GCGR: variants seen among roughly 807,000 people sequenced by gnomAD.
GCGR encodes the protein glucagon receptor.
Under a neutral mutation model 56.1 loss-of-function variants are expected in GCGR, and 41 were observed. That is an observed-to-expected ratio of 0.73 (90% confidence interval 0.57 to 0.95). The LOEUF (loss-of-function observed/expected upper bound fraction) is 0.95, where lower values mean the gene tolerates loss of function less well. Among genes scored for constraint, GCGR ranks in the 40% least tolerant of loss-of-function variants. The probability of loss-of-function intolerance (pLI) is 0.00; values close to 1 mark genes in which losing one functional copy is unlikely to be tolerated. For missense variants in GCGR, 595 were observed against 638.2 expected (o/e 0.93, Z 0.73); for synonymous variants, 278 against 271.1 (o/e 1.03, Z -0.25).
In GCGR at chr17:81,804,567, C is replaced by T. The variant is rs958386997; in HGVS notation, c.-178+318C>T. On this transcript the variant is annotated intron_variant, in intron 1 of 13. Coordinates refer to ENST00000400723, the MANE Select transcript of GCGR (RefSeq NM_000160.5). This position sits in a 1 kb window ranked among gnomAD's most constrained non-coding sequence, Gnocchi z 8.2. ...GCGCCCTGCGGCGGCCACACTGCAG[C>T]GGCCACACTCCCCACTCAGGGCCCC... is the stretch of plus-strand genomic sequence containing the variant. Among the ~76,000 whole-genome samples the T allele has an allele frequency of 1.3e-5, 2 of 151,762 alleles. No homozygotes were observed. Among genetic ancestry groups the T allele is most frequent in the African/African-American group, 2.4e-5 (1 of 41,352 alleles).
chr17:81,809,289 C>CGTCTGCCTGCCTGCCT (rs1555709299), intron 2 of GCGR, among the ~76,000 whole-genome samples: 4 of 123,720 alleles, frequency 3.2e-5, no homozygotes, highest in African/African-American at 1.2e-4. Context: ...TCTGCCTGTC[C>CGTCTGCCTGCCTGCCT]GTCTGCCTGT....
At position 81,806,739 on chromosome 17, in the gene GCGR, C is replaced by T. The variant is rs1409454860; in HGVS notation, c.-177-2103C>T. Among the ~76,000 whole-genome samples, 1 of 152,100 alleles carries T rather than the reference C, an allele frequency of 6.6e-6. No individual in the cohort carries two copies. The highest frequency in any genetic ancestry group is 2.4e-5 in the African/African-American group (1 of 41,408). ...GGCTCTAAGGGGCTGTCATTTTGCC[C>T]AGGGAGCTCCTGGCTGGGTGGTCCT... On this transcript the variant is annotated intron_variant, in intron 1 of 13. Coordinates refer to ENST00000400723, the MANE Select transcript of GCGR (RefSeq NM_000160.5). This position sits in a 1 kb window ranked among gnomAD's most constrained non-coding sequence, Gnocchi z 6.5.
At position 81,812,964 on chromosome 17, in the gene GCGR, G is replaced by A. The variant is rs2038134660; in HGVS notation, c.1176+19G>A. 6.5e-7 allele frequency: 1 copy of A among 1,535,806 alleles called. No individual in the cohort carries two copies. Among genetic ancestry groups the A allele is most frequent in the Non-Finnish European group, 8.7e-7 (1 of 1,146,544 alleles). Reference sequence around the variant, plus strand: ...CTTCCAGGTGCCCGCCCGCCCGCCGGCTCCCCCGCCCGGGGCGCAGTGTGC... The same window carrying A: ...CTTCCAGGTGCCCGCCCGCCCGCCGACTCCCCCGCCCGGGGCGCAGTGTGC... On this transcript the variant is annotated intron_variant, in intron 12 of 13. Transcript: ENST00000400723. The surrounding 1 kb of genome is among the most constrained non-coding windows in gnomAD (Gnocchi z 8.5).
chr17:81,810,754 AG>A lies in GCGR; in HGVS notation c.164-69del, dbSNP rs1406948522. The stretch of plus-strand genomic sequence containing the variant: ...GCTCAGGCTTCCAGAGAGAGGAGAG[AG>A]GCCTGCTGAGGGAGCCCCTTCTCCC... On this transcript the variant is annotated intron_variant, in intron 3 of 13. Coordinates refer to ENST00000400723, the MANE Select transcript of GCGR (RefSeq NM_000160.5). This position sits in a 1 kb window ranked among gnomAD's most constrained non-coding sequence, Gnocchi z 4.6. The A allele has an allele frequency of 7.3e-7, 1 of 1,367,082 alleles. No individual in the cohort carries two copies. The highest frequency in any genetic ancestry group is 2.5e-5 in the East Asian group (1 of 40,048). The allele number at this position is 1,367,082 out of a possible 1,614,324, so 84.7% of individuals were successfully genotyped here.
rs1048592047 is a variant in GCGR at position 81,812,067 on chromosome 17, C to G, written c.879-116C>G. On this transcript the variant is annotated intron_variant, in intron 9 of 13. Transcript: ENST00000400723. This position sits in a 1 kb window ranked among gnomAD's most constrained non-coding sequence, Gnocchi z 8.5. Reference sequence around the variant, plus strand: ...GCCTGGGGAGGGGGTCATTTGTGACCTTCTCCCTTCCTTTTCTGAGACCCG... The same window carrying G: ...GCCTGGGGAGGGGGTCATTTGTGACGTTCTCCCTTCCTTTTCTGAGACCCG... 1 of 1,507,868 alleles carries G rather than the reference C, an allele frequency of 6.6e-7. No homozygotes were observed. The highest frequency in any genetic ancestry group is 2.0e-5 in the Admixed American group (1 of 50,796). The allele number at this position is 1,507,868 out of a possible 1,614,324, so 93.4% of individuals were successfully genotyped here. A position where few individuals can be genotyped will look rare whatever the true frequency, so the allele number is the denominator to read the frequency against.
Position 81,812,346 on chromosome 17 carries a change from C to G in GCGR, c.948+94C>G. On this transcript the variant is annotated intron_variant, in intron 10 of 13. Transcript: ENST00000400723. This position sits in a 1 kb window ranked among gnomAD's most constrained non-coding sequence, Gnocchi z 8.5. ...GAGACAGCAGCATCCTGTCTGAGAG[C>G]GCTGGGAGGGAGCCGGCACCCAGAC... 1 of 1,403,888 alleles carries G rather than the reference C, an allele frequency of 7.1e-7. No homozygotes were observed. The highest frequency in any genetic ancestry group is 2.5e-5 in the East Asian group (1 of 40,154). 87.0% of individuals were successfully genotyped at this position (1,403,888 alleles called of 1,614,324 possible). A position where few individuals can be genotyped will look rare whatever the true frequency, so the allele number is the denominator to read the frequency against.
Position 81,813,792 on chromosome 17 carries a change from A to G in GCGR, c.*103A>G, listed in dbSNP as rs1446468004. 8 of 1,134,586 alleles carry G rather than the reference A, an allele frequency of 7.1e-6. No homozygotes were observed. The East Asian group carries it at 1.0e-4, about 15-fold the overall frequency. 70.3% of individuals were successfully genotyped at this position (1,134,586 alleles called of 1,614,324 possible). Reference sequence around the variant, plus strand: ...GCTGAGGCTGGGGGCGGGGGAGCCAACAGCAGCCCCCACCTACCCCCCACC... The same window carrying G: ...GCTGAGGCTGGGGGCGGGGGAGCCAGCAGCAGCCCCCACCTACCCCCCACC... On this transcript the variant is annotated 3_prime_UTR_variant, in exon 14 of 14. Transcript: ENST00000400723. This position sits in a 1 kb window ranked among gnomAD's most constrained non-coding sequence, Gnocchi z 5.3.
At chr17:81,809,307 C>CCTGTCTGTCTGCCTGTCCAT (rs2038030812) in intron 2 of GCGR, among the ~76,000 whole-genome samples, 2 of 129,018 alleles carry the variant, frequency 1.6e-5, no homozygotes, top group Non-Finnish European at 3.3e-5. Flanking sequence ...TGTCTGTCTG[C>CCTGTCTGTCTGCCTGTCCAT]CTGTCCATCT....
In GCGR at chr17:81,811,821, T is replaced by TG. The variant is rs773836077; in HGVS notation, c.817+13dup. 2.6e-6 allele frequency: 4 copies of TG among 1,536,768 alleles called. No homozygotes were observed. Among genetic ancestry groups the TG allele is most frequent in the Non-Finnish European group, 3.5e-6 (4 of 1,146,846 alleles). On this transcript the variant is annotated intron_variant, in intron 8 of 13. Transcript: ENST00000400723. The surrounding 1 kb of genome is among the most constrained non-coding windows in gnomAD (Gnocchi z 5.8). ...TGGGCATCGGCTGGGGTGAGTGGGC[T>TG]GGCATGAGAGGGGGTTAAGGCAGGC...
In GCGR at chr17:81,813,348, A is replaced by G; in HGVS notation, c.1219-126A>G. 1 of 967,386 alleles carries G rather than the reference A, an allele frequency of 1.0e-6. No individual in the cohort carries two copies. The highest frequency in any genetic ancestry group is 1.5e-6 in the Non-Finnish European group (1 of 656,614). The allele number at this position is 967,386 out of a possible 1,614,324, so 59.9% of individuals were successfully genotyped here. Reference sequence around the variant, plus strand: ...GGTGGCATAGCTGTGCCCAGCAGGGAGCTTGTGTCGCTCTGCACCCCTCAG... The same window carrying G: ...GGTGGCATAGCTGTGCCCAGCAGGGGGCTTGTGTCGCTCTGCACCCCTCAG... On this transcript the variant is annotated intron_variant, in intron 13 of 13. Transcript: ENST00000400723. The surrounding 1 kb of genome is among the most constrained non-coding windows in gnomAD (Gnocchi z 5.3).
In GCGR at chr17:81,811,325, T is replaced by G. The variant is rs1241628118; in HGVS notation, c.497T>G (p.Leu166Arg). ...CTCGCCTTGGCCATCCTGGGGGGCCTCAGGTAGGATTCCGCCAGCGCCCGG... is the reference window on the plus strand; with the variant it reads ...CTCGCCTTGGCCATCCTGGGGGGCCGCAGGTAGGATTCCGCCAGCGCCCGG... ...LLLALAILGG[L>R]SKLHCTRNAI... Residue 166 changes from leucine (L) to arginine (R), a missense_variant, in exon 6 of 14, where the codon CTC becomes CGC. Transcript: ENST00000400723. The surrounding 1 kb of genome is among the most constrained non-coding windows in gnomAD (Gnocchi z 5.8). 2.0e-6 allele frequency: 3 copies of G among 1,534,764 alleles called. No homozygotes were observed. The highest frequency in any genetic ancestry group is 1.4e-5 in the African/African-American group (1 of 73,022).
rs1261979810 is a variant in GCGR at position 81,813,453 on chromosome 17, C to T, written c.1219-21C>T. 1 of 1,533,118 alleles carries T rather than the reference C, an allele frequency of 6.5e-7. No homozygotes were observed. The highest frequency in any genetic ancestry group is 2.4e-5 in the East Asian group (1 of 40,902). The allele number at this position is 1,533,118 out of a possible 1,614,324, so 95.0% of individuals were successfully genotyped here. A position where few individuals can be genotyped will look rare whatever the true frequency, so the allele number is the denominator to read the frequency against. On this transcript the variant is annotated intron_variant, in intron 13 of 13. Coordinates refer to ENST00000400723, the MANE Select transcript of GCGR (RefSeq NM_000160.5). The surrounding 1 kb of genome is among the most constrained non-coding windows in gnomAD (Gnocchi z 5.3). ...AGGACAGGCAGGCCCTAGGACTGGC[C>T]TGCCCCGTCCCCCTCCCCAGGTGCA...
At position 81,811,649 on chromosome 17, in the gene GCGR, AGGCGGTGGCTGGCTGCCGTGT is replaced by A. The variant is rs1388926574; in HGVS notation, c.660_680del (p.Val221_Ala227del). On this transcript the variant is annotated splice_acceptor_variant and coding_sequence_variant, in exon 8 of 14. Transcript: ENST00000400723. LOFTEE classifies it high-confidence loss of function. The surrounding 1 kb of genome is among the most constrained non-coding windows in gnomAD (Gnocchi z 5.8). ...GCCGCGCTCACACTGCACCTGTACC[AGGCGGTGGCTGGCTGCCGTGT>A]GGCCGCGGTGTTCATGCAATATGGC... The A allele has an allele frequency of 2.0e-6, 3 of 1,536,288 alleles. No individual in the cohort carries two copies. The highest frequency in any genetic ancestry group is 2.6e-6 in the Non-Finnish European group (3 of 1,146,890).
At position 81,810,816 on chromosome 17, in the gene GCGR, A is replaced by C. The variant is rs751714002; in HGVS notation, c.164-9A>C. On this transcript the variant is annotated splice_polypyrimidine_tract_variant and intron_variant, in intron 3 of 13. Transcript: ENST00000400723. The surrounding 1 kb of genome is among the most constrained non-coding windows in gnomAD (Gnocchi z 4.6). ...GCCCTGCTCTGCCCTGCCCTACCCTACCCTGCAGAGCTGGTGTGCAACAGA... is the reference window on the plus strand; with the variant it reads ...GCCCTGCTCTGCCCTGCCCTACCCTCCCCTGCAGAGCTGGTGTGCAACAGA... 3 of 1,536,400 alleles carry C rather than the reference A, an allele frequency of 2.0e-6. No individual in the cohort carries two copies. Among genetic ancestry groups the C allele is most frequent in the South Asian group, 2.4e-5 (2 of 84,042 alleles).
Position 81,810,059 on chromosome 17 carries a change from A to G in GCGR, c.163+175A>G. 1 of 680,986 alleles carries G rather than the reference A, an allele frequency of 1.5e-6. No homozygotes were observed. The highest frequency in any genetic ancestry group is 2.7e-6 in the Non-Finnish European group (1 of 372,350). The allele number at this position is 680,986 out of a possible 1,614,324, so 42.2% of individuals were successfully genotyped here. On this transcript the variant is annotated intron_variant, in intron 3 of 13. Coordinates refer to ENST00000400723, the MANE Select transcript of GCGR (RefSeq NM_000160.5). This position sits in a 1 kb window ranked among gnomAD's most constrained non-coding sequence, Gnocchi z 4.6. ...GGTGAGGTAACGAGGTAACTGAGCC[A>G]CAGAGCTGGGGACTTGCCTCAGGCC...
In GCGR at chr17:81,808,919, A is replaced by C; in HGVS notation, c.-100A>C. Reference sequence around the variant, plus strand: ...ACGCCCCAGGCTCTGCTGCTCTGCCACTCAGCTGCCCTCGGAGGAGCGTAC... The same window carrying C: ...ACGCCCCAGGCTCTGCTGCTCTGCCCCTCAGCTGCCCTCGGAGGAGCGTAC... On this transcript the variant is annotated 5_prime_UTR_variant, in exon 2 of 14. Transcript: ENST00000400723. 2 of 1,428,134 alleles carry C rather than the reference A, an allele frequency of 1.4e-6. No homozygotes were observed. Among genetic ancestry groups the C allele is most frequent in the Admixed American group, 3.9e-5 (2 of 50,748 alleles). The allele number at this position is 1,428,134 out of a possible 1,614,324, so 88.5% of individuals were successfully genotyped here. A position where few individuals can be genotyped will look rare whatever the true frequency, so the allele number is the denominator to read the frequency against.
At chr17:81,807,279 C>T (rs897220177) in intron 1 of GCGR, among the ~76,000 whole-genome samples, 3 of 152,234 alleles carry the variant, frequency 2.0e-5, no homozygotes, top group African/African-American at 7.2e-5. Flanking sequence ...TGGGGATCAG[C>T]GACACACGGG....
chr17:81,812,652 GACT>G lies in GCGR; in HGVS notation c.1027_1029del (p.Tyr343del). ...GCGGGCACGGCAGATGCACCACACA[GACT>G]ACAAGTTCCGGTGGGTGCCGCGGCA... On this transcript the variant is annotated inframe_deletion, in exon 11 of 14. Transcript: ENST00000400723. The surrounding 1 kb of genome is among the most constrained non-coding windows in gnomAD (Gnocchi z 8.5). 2 of 1,536,042 alleles carry G rather than the reference GACT, an allele frequency of 1.3e-6. No homozygotes were observed. Among genetic ancestry groups the G allele is most frequent in the South Asian group, 2.4e-5 (2 of 84,032 alleles).
Position 81,809,893 on chromosome 17 carries a change from C to T in GCGR, c.163+9C>T. Reference sequence around the variant, plus strand: ...GCTGCCCCCTCCCACGGGTGAGCCCCCCACCCAGAGCCTTTCAGCCTGTGC... The same window carrying T: ...GCTGCCCCCTCCCACGGGTGAGCCCTCCACCCAGAGCCTTTCAGCCTGTGC... On this transcript the variant is annotated intron_variant, in intron 3 of 13. Transcript: ENST00000400723. The T allele has an allele frequency of 6.6e-7, 1 of 1,521,536 alleles. No homozygotes were observed. Among genetic ancestry groups the T allele is most frequent in the East Asian group, 2.4e-5 (1 of 40,856 alleles). The allele number at this position is 1,521,536 out of a possible 1,614,324, so 94.3% of individuals were successfully genotyped here.
Sources: gnomAD v4.1 joint callset for allele counts (sites outside exome capture counted in the v4.1 genomes callset) on GRCh38, gnomAD v4.1.1 for gene constraint, Gnocchi (gnomAD v3.1) non-coding constraint, MANE v1.5 for transcripts, NCBI Gene and HGNC (gene_info 2026-07-23, HGNC 2026-07-21) for gene names.